The following DDX59 variants were observed in gnomAD, a reference collection of about 807,000 sequenced individuals.
DDX59 encodes probable ATP-dependent RNA helicase DDX59.
Under a neutral mutation model 51.9 loss-of-function variants are expected in DDX59, and 30 were observed. The observed-to-expected ratio is 0.58, with a 90% confidence interval of 0.43 to 0.78. The LOEUF (loss-of-function observed/expected upper bound fraction) is 0.78, where lower values mean the gene tolerates loss of function less well. Among genes scored for constraint, DDX59 ranks in the 30% least tolerant of loss-of-function variants. The pLI is 0.00. For synonymous variants in DDX59, 255 were observed against 253.3 expected, an observed-to-expected ratio of 1.01 and a Z score of -0.06; for missense variants, 672 against 730.8, an observed-to-expected ratio of 0.92 and a Z score of 0.93.
chr1:200,648,390 C>T (rs780447789), intron 7 of DDX59, 49 bp downstream of exon 7: 4 of 1,605,468 alleles, frequency 2.5e-6, no homozygotes, highest in Non-Finnish European at 2.6e-6. Context: ...CAATGCCTTT[C>T]CCAATAAAAC....
intron 5 of DDX59, among the ~76,000 whole-genome samples, chr1:200,650,113 G>C (rs745830098): frequency 8.6e-5 from 13 of 152,012 alleles, no homozygotes; most frequent in Non-Finnish European, 1.9e-4. Flanking sequence ...TAAAGTGCTG[G>C]GATTACAGGC....
chr1:200,661,121 T>C (rs975657260), intron 3 of DDX59, among the ~76,000 whole-genome samples: 6 of 152,140 alleles, frequency 3.9e-5, no homozygotes, highest in Non-Finnish European at 7.4e-5. Flanking sequence ...CTTCTTTAGA[T>C]AGAAGGTAAG....
chr1:200,645,244 T>C (rs1219629987), intron 7 of DDX59, among the ~76,000 whole-genome samples: 2 of 152,214 alleles, frequency 1.3e-5, no homozygotes, highest in African/African-American at 4.8e-5. Context: ...GGCCTTGAAA[T>C]GTGAGATTTA....
intron 2 of DDX59, 83 bp from the exon 3 acceptor site, chr1:200,664,169 GAAC>G: frequency 5.5e-6 from 8 of 1,460,402 alleles, no homozygotes; most frequent in Non-Finnish European, 7.4e-6. Flanking sequence ...AGGATTCCAG[GAAC>G]ATGGCCCCTT....
intron 7 of DDX59, among the ~76,000 whole-genome samples, chr1:200,645,956 TAAA>T (rs1462545012): frequency 6.6e-6 from 1 of 151,894 alleles, no homozygotes; most frequent in Non-Finnish European, 1.5e-5. Context: ...AAAATAAAAA[TAAA>T]AAAGTAGTTA....
At chr1:200,655,893 C>T (rs968536931) in intron 4 of DDX59, among the ~76,000 whole-genome samples, 6 of 151,828 alleles carry the variant, frequency 4.0e-5, no homozygotes, top group African/African-American at 9.7e-5. Context: ...TGCAATGGCA[C>T]GATCTTGGCT....
intron 3 of DDX59, among the ~76,000 whole-genome samples, chr1:200,662,781 C>T (rs1433905609): frequency 6.6e-6 from 1 of 152,168 alleles, no homozygotes; most frequent in Admixed American, 6.6e-5. Flanking sequence ...AAATTTAAGG[C>T]AGAGGTTGAT....
At chr1:200,642,294 A>G (rs1023931530), downstream of DDX59, among the ~76,000 whole-genome samples, 20 of 152,112 alleles carry the variant, frequency 1.3e-4, no homozygotes, top group Non-Finnish European at 2.9e-4. Context: ...ACAAAAATCT[A>G]TTATTTAAAA....
In DDX59 at chr1:200,666,484, G is replaced by T; in HGVS notation, c.257C>A (p.Pro86His). The T allele has an allele frequency of 1.2e-6, 2 of 1,614,176 alleles. No homozygotes were observed. Among genetic ancestry groups the T allele is most frequent in the Non-Finnish European group, 1.7e-6 (2 of 1,180,028 alleles). Residue 86 changes from proline to histidine, a missense_variant, in exon 2 of 8, where the codon CCT becomes CAT. Coordinates refer to ENST00000331314, the MANE Select transcript of DDX59 (RefSeq NM_001031725.6). ...SPEQGAKDSH[P>H]SEEPVKSFSK... Reference sequence around the variant, plus strand: ...AAATGACTTAACGGGCTCTTCAGAAGGATGGCTGTCCTTCGCACCCTGCTC... The same window carrying T: ...AAATGACTTAACGGGCTCTTCAGAATGATGGCTGTCCTTCGCACCCTGCTC...
Position 200,666,309 on chromosome 1 carries a change from C to A in DDX59, c.432G>T (p.Glu144Asp). 1 of 1,614,210 alleles carries A rather than the reference C, an allele frequency of 6.2e-7. No individual in the cohort carries two copies. Among genetic ancestry groups the A allele is most frequent in the South Asian group, 1.1e-5 (1 of 91,090 alleles). Residue 144 changes from glutamate to aspartate, a missense_variant, in exon 2 of 8, where the codon GAG (glutamate) becomes GAT (aspartate). Glu to Asp is a conservative substitution (Grantham distance 45). Coordinates refer to ENST00000331314, the MANE Select transcript of DDX59 (RefSeq NM_001031725.6). ...TCTGTGGATTGCTGAGTTTTGATTTCTCTTCCTTTTCCTTAACTTGTAGAA... is the reference window on the plus strand; with the variant it reads ...TCTGTGGATTGCTGAGTTTTGATTTATCTTCCTTTTCCTTAACTTGTAGAA... The part of the protein sequence containing the change: ...KHLLQVKEKE[E>D]KSKLSNPQKA...
intron 7 of DDX59, among the ~76,000 whole-genome samples, chr1:200,647,548 T>C (rs1196445473): frequency 6.6e-6 from 1 of 151,234 alleles, no homozygotes; most frequent in Non-Finnish European, 1.5e-5. Context: ...AAAATTTTTT[T>C]AATTAACATT....
At chr1:200,648,677 T>C (rs1661455670) in intron 6 of DDX59, 110 bp from the exon 7 acceptor site, 1 of 1,308,224 alleles carries the variant, frequency 7.6e-7, no homozygotes, top group Admixed American at 2.4e-5. Flanking sequence ...TTTATTGCAA[T>C]ATTTTTTCAA....
chr1:200,667,866 T>C (rs898398085), intron 1 of DDX59, among the ~76,000 whole-genome samples: 5 of 152,030 alleles, frequency 3.3e-5, no homozygotes, highest in African/African-American at 1.2e-4. Context: ...CATAGAGTAA[T>C]ATACACAAGA....
chr1:200,661,024 A>G (rs1312262078), intron 3 of DDX59, among the ~76,000 whole-genome samples: 1 of 152,174 alleles, frequency 6.6e-6, no homozygotes, highest in Non-Finnish European at 1.5e-5. Flanking sequence ...TTTAAATACT[A>G]TCCTCTAGTA....
chr1:200,656,202 C>A (rs548532284), intron 4 of DDX59, among the ~76,000 whole-genome samples: 7 of 152,100 alleles, frequency 4.6e-5, no homozygotes, highest in Non-Finnish European at 1.0e-4. Flanking sequence ...CAAATTTAGA[C>A]CTTTACCTGT....
intron 2 of DDX59, among the ~76,000 whole-genome samples, chr1:200,664,420 T>C (rs917914129): frequency 3.9e-5 from 6 of 152,128 alleles, no homozygotes; most frequent in Non-Finnish European, 5.9e-5. Context: ...AACCCAATAG[T>C]CACCATGCAG....
In DDX59 at chr1:200,644,298, T is replaced by A; in HGVS notation, c.1816A>T (p.Met606Leu). The A allele has an allele frequency of 1.3e-6, 2 of 1,593,904 alleles. No individual in the cohort carries two copies. Among genetic ancestry groups the A allele is most frequent in the South Asian group, 1.2e-5 (1 of 86,076 alleles). Residue 606 changes from methionine to leucine, a missense_variant, in exon 8 of 8, where the codon ATG becomes TTG. Coordinates refer to ENST00000331314, the MANE Select transcript of DDX59 (RefSeq NM_001031725.6). The part of the protein sequence containing the change: ...QNDLVTGANL[M>L]DIIRKHDKSN... ...TTATCATGTTTTCTGATAATATCCA[T>A]AAGATTAGCTCCTGTAACCAGATCA...
chr1:200,641,337 G>T, downstream of DDX59: 1 of 621,390 alleles, frequency 1.6e-6, no homozygotes, highest in Non-Finnish European at 2.4e-6. Context: ...ATTAATCAGT[G>T]AGTCACAGTT....
chr1:200,655,375 G>A (rs1166438919), intron 4 of DDX59, among the ~76,000 whole-genome samples: 12 of 72,854 alleles, frequency 1.6e-4, no homozygotes, highest in East Asian at 3.8e-4. Context: ...CCTTACCCCT[G>A]TCTGGATTGC....
Sources: allele counts gnomAD v4.1 joint callset (sites outside exome capture counted in the v4.1 genomes callset), GRCh38; gene constraint gnomAD v4.1.1; transcripts MANE v1.5; gene names NCBI Gene and HGNC (gene_info 2026-07-23, HGNC 2026-07-21).